The following LRP6 variants were observed in gnomAD, a reference collection of about 807,000 sequenced individuals.
LRP6 encodes the protein low-density lipoprotein receptor-related protein 6.
LRP6 carries 43 observed loss-of-function variants against 184.1 expected under a neutral mutation model. That is an observed-to-expected ratio of 0.23 (90% confidence interval 0.18 to 0.30). The LOEUF (loss-of-function observed/expected upper bound fraction) is 0.30. LRP6 is among the 10% of genes least tolerant of loss of function. LRP6 has a pLI of 1.00. For synonymous variants in LRP6, 719 were observed against 684.9 expected (o/e 1.05, Z -0.78); for missense variants, 1,571 against 2,005.3 (o/e 0.78, Z 4.14).
In LRP6 at chr12:12,215,947, G is replaced by A. The variant is rs557793384; in HGVS notation, c.450-12547C>T. ...GAATCACTTGAACCCACAAGGCAGA[G>A]GTTGCAGTGAGCCAAGATGGGGCCA... is the stretch of plus-strand genomic sequence containing the variant. On this transcript the variant is annotated intron_variant, in intron 2 of 22. Transcript: ENST00000261349. 9.2e-5 allele frequency among the ~76,000 whole-genome samples: 14 copies of A among 152,130 alleles called. No individual in the cohort carries two copies. In the East Asian group the frequency reaches 2.7e-3, roughly 30 times the overall value.
chr12:12,224,525 A>G (rs991973559), intron 2 of LRP6, among the ~76,000 whole-genome samples: 1 of 152,166 alleles, frequency 6.6e-6, no homozygotes, highest in Non-Finnish European at 1.5e-5. Flanking sequence ...AAAAATGTTA[A>G]ATTTATTTAT....
intron 7 of LRP6, among the ~76,000 whole-genome samples, chr12:12,170,104 G>T (rs1862992581): frequency 6.6e-6 from 1 of 152,146 alleles, no homozygotes; most frequent in Admixed American, 6.5e-5. Context: ...GGAGTCCAAG[G>T]CGGGTGGATC....
intron 15 of LRP6, among the ~76,000 whole-genome samples, chr12:12,139,244 G>A (rs1047798940): frequency 1.3e-5 from 2 of 152,194 alleles, no homozygotes; most frequent in African/African-American, 4.8e-5. Context: ...GACATTAGCT[G>A]ATATTTTGGA....
intron 2 of LRP6, among the ~76,000 whole-genome samples, chr12:12,237,717 G>A (rs1864960812): frequency 6.6e-6 from 1 of 152,206 alleles, no homozygotes; most frequent in East Asian, 1.9e-4. Flanking sequence ...GAGCCAAACT[G>A]AGGAACGTTC....
rs1949555047 is a variant in LRP6, at chr12:12,118,863, A to G, written c.*2263T>C. ...CAAGCACGTGGACTGAGATCCAACA[A>G]GGCAATATTCTTCTTAGTTAATTAG... On this transcript the variant is annotated 3_prime_UTR_variant, in exon 23 of 23. Coordinates refer to ENST00000261349, the MANE Select transcript of LRP6 (RefSeq NM_002336.3). 6.6e-6 allele frequency: 1 copy of G among 152,270 alleles called. No individual in the cohort carries two copies. The highest frequency in any genetic ancestry group is 1.5e-5 in the Non-Finnish European group (1 of 68,046). The allele number at this position is 152,270 out of a possible 1,614,324, so 9.4% of individuals were successfully genotyped here.
chr12:12,258,525 T>C (rs1386880638), intron 1 of LRP6, among the ~76,000 whole-genome samples: 1 of 152,258 alleles, frequency 6.6e-6, no homozygotes. Flanking sequence ...TATATTACTT[T>C]AAATGTAAAA....
chr12:12,156,552 G>A (rs940473607), intron 12 of LRP6, among the ~76,000 whole-genome samples: 3 of 152,192 alleles, frequency 2.0e-5, no homozygotes, highest in Non-Finnish European at 2.9e-5. Context: ...TCTCAAAAGA[G>A]ATGTCTATAT....
Position 12,162,265 on chromosome 12 carries a change from C to G in LRP6, c.2207G>C (p.Gly736Ala). ...TNRIEVSKLD[G>A]QHRQVLVWKD... Reference sequence around the variant, plus strand: ...CCACACCAAAACTTGTCGGTGCTGCCCATCCAACTTTGACACCTCAATTCG... The same window carrying G: ...CCACACCAAAACTTGTCGGTGCTGCGCATCCAACTTTGACACCTCAATTCG... The change falls in exon 10 of 23, where the codon GGG (glycine) becomes GCG (alanine). Residue 736 changes from glycine to alanine, a missense_variant. Coordinates refer to ENST00000261349, the MANE Select transcript of LRP6 (RefSeq NM_002336.3). The G allele has an allele frequency of 6.2e-7, 1 of 1,614,156 alleles. No homozygotes were observed. Among genetic ancestry groups the G allele is most frequent in the Admixed American group, 1.7e-5 (1 of 60,022 alleles).
At position 12,135,279 on chromosome 12, in the gene LRP6, T is replaced by C. The variant is rs368248844; in HGVS notation, c.3629A>G (p.Asp1210Gly). The C allele has an allele frequency of 3.7e-6, 6 of 1,613,098 alleles. No homozygotes were observed. The African/African-American group carries it at 5.3e-5, about 14-fold the overall frequency. The stretch of plus-strand genomic sequence containing the variant: ...ACAAATATGTGAACAGCCACCATTA[T>C]CCTGAGCACAAGGGTGCTGTCCTGC... ...QEYRQHPCAQ[D>G]NGGCSHICLV... Residue 1210 changes from aspartate (D) to glycine (G), a missense_variant, in exon 17 of 23, where the codon GAT becomes GGT. Around this residue, in one of 4 missense-constraint regions of LRP6, gnomAD observed 763 missense variants for 859.5 expected, o/e 0.89. Transcript: ENST00000261349.
intron 12 of LRP6, among the ~76,000 whole-genome samples, chr12:12,151,963 G>A (rs766929126): frequency 2.0e-5 from 3 of 152,196 alleles, no homozygotes; most frequent in Non-Finnish European, 2.9e-5. Flanking sequence ...GGCATGGAAA[G>A]AGAGCAGGTA....
intron 2 of LRP6, among the ~76,000 whole-genome samples, chr12:12,206,078 C>G (rs558684947): frequency 6.6e-6 from 1 of 152,344 alleles, no homozygotes; most frequent in Admixed American, 6.5e-5. Flanking sequence ...CGTAGCCTAG[C>G]AGCAATAAGC....
At chr12:12,212,736 G>T (rs184627910) in intron 2 of LRP6, among the ~76,000 whole-genome samples, 1 of 152,116 alleles carries the variant, frequency 6.6e-6, no homozygotes, top group Non-Finnish European at 1.5e-5. Flanking sequence ...TCATTAAATG[G>T]TCTCATAGAG....
chr12:12,140,404 C>T (rs973012624), intron 15 of LRP6, among the ~76,000 whole-genome samples: 1 of 151,884 alleles, frequency 6.6e-6, no homozygotes, highest in Admixed American at 6.6e-5. Flanking sequence ...GAGAAAAATA[C>T]AGCTACAGTC....
At chr12:12,265,677 G>T (rs923767999) in intron 1 of LRP6, among the ~76,000 whole-genome samples, 1 of 152,160 alleles carries the variant, frequency 6.6e-6, no homozygotes, top group African/African-American at 2.4e-5. Context: ...AAATTCCTCT[G>T]CTGGTAAATG....
chr12:12,209,963 T>C (rs1161493717), intron 2 of LRP6, among the ~76,000 whole-genome samples: 1 of 152,144 alleles, frequency 6.6e-6, no homozygotes, highest in Non-Finnish European at 1.5e-5. Context: ...AAAGTATGTA[T>C]TTTACTTAGG....
chr12:12,172,216 CTTTGACCACACTGTGGCACATTGGTTTA>C (rs1334823673), intron 7 of LRP6, among the ~76,000 whole-genome samples: 1 of 152,214 alleles, frequency 6.6e-6, no homozygotes, highest in Non-Finnish European at 1.5e-5. Flanking sequence ...GTTTCAGCTG[CTTTGACCACACTGTGGCACATTGGTTTA>C]ACATTCTGAA....
intron 14 of LRP6, among the ~76,000 whole-genome samples, chr12:12,147,881 G>A (rs1057252426): frequency 6.6e-6 from 1 of 151,882 alleles, no homozygotes; most frequent in African/African-American, 2.4e-5. Flanking sequence ...AGGCTGAGGT[G>A]GGAGGATCAC....
intron 3 of LRP6, among the ~76,000 whole-genome samples, chr12:12,193,499 C>CCAAAAAAAAAGACG: frequency 7.0e-6 from 1 of 143,084 alleles, no homozygotes; most frequent in East Asian, 2.0e-4. Context: ...CTAGACTGAC[C>CCAAAAAAAAAGACG]CAAAAAAAAA....
intron 15 of LRP6, among the ~76,000 whole-genome samples, chr12:12,139,870 C>T (rs1022123766): frequency 1.3e-5 from 2 of 151,996 alleles, no homozygotes; most frequent in Non-Finnish European, 1.5e-5. Flanking sequence ...GACACAGTAG[C>T]CCAGAGAAAG....
Sources: gnomAD v4.1 joint callset for allele counts (sites outside exome capture counted in the v4.1 genomes callset) on GRCh38, gnomAD v4.1.1 for gene constraint, gnomAD v4.1.1 regional missense constraint, MANE v1.5 for transcripts, NCBI Gene and HGNC (gene_info 2026-07-23, HGNC 2026-07-21) for gene names.